Variants in MACROD2 observed in about 807,000 individuals in gnomAD.
The protein encoded by MACROD2 is ADP-ribose glycohydrolase MACROD2.
In MACROD2, 36 loss-of-function variants were observed where a neutral mutation model predicts 70.4. The observed-to-expected ratio is 0.51, with a 90% CI of 0.39 to 0.68. MACROD2 has a LOEUF of 0.68. Among genes scored for constraint, MACROD2 ranks in the 30% least tolerant of loss-of-function variants. The pLI is 0.00. For missense variants in MACROD2, 496 were observed against 538.4 expected (o/e 0.92, Z 0.78); for synonymous variants, 172 against 178.8 (o/e 0.96, Z 0.30).
At chr20:15,447,992 C>A (rs1288033322) in intron 7 of MACROD2, among the ~76,000 whole-genome samples, 1 of 152,246 alleles carries the variant, frequency 6.6e-6, no homozygotes, top group Non-Finnish European at 1.5e-5. Context: ...AGAACCTACA[C>A]TCTTCTAATC....
chr20:15,687,879 T>G (rs932223261), intron 8 of MACROD2, among the ~76,000 whole-genome samples: 51 of 152,186 alleles, frequency 3.4e-4, no homozygotes, highest in African/African-American at 1.2e-3. Flanking sequence ...TGGTTAAGTT[T>G]AGGAAAGCTG....
chr20:14,718,484 G>C (rs1401617214), intron 5 of MACROD2, among the ~76,000 whole-genome samples: 1 of 151,866 alleles, frequency 6.6e-6, no homozygotes, highest in African/African-American at 2.4e-5. Context: ...CACTGATACA[G>C]AACCCCCAAC....
At chr20:14,013,538 C>T (rs2052943947) in intron 2 of MACROD2, among the ~76,000 whole-genome samples, 2 of 152,076 alleles carry the variant, frequency 1.3e-5, no homozygotes, top group Admixed American at 6.5e-5. Context: ...TCCCAAAGTG[C>T]TGGGATTACA....
rs959794830 is a variant in MACROD2 at position 14,910,930 on chromosome 20, A to G, written c.418+225971A>G. 5.9e-5 allele frequency among the ~76,000 whole-genome samples: 9 copies of G among 152,192 alleles called. No homozygotes were observed. In the East Asian group the frequency reaches 1.7e-3, roughly 29 times the overall value. On this transcript the variant is annotated intron_variant, in intron 5 of 17. Transcript: ENST00000684519. ...AAGAATTTCATTTTCAATCCAACCC[A>G]GTACACACATACGTATGTTATTGAA...
At chr20:16,021,923 A>AAATG (rs562623998) in intron 15 of MACROD2, among the ~76,000 whole-genome samples, 5 of 152,222 alleles carry the variant, frequency 3.3e-5, no homozygotes, top group African/African-American at 4.8e-5. Flanking sequence ...CTGAATTAAT[A>AAATG]AATGAATGAA....
chr20:15,143,859 C>G (rs1884978029), intron 5 of MACROD2, among the ~76,000 whole-genome samples: 1 of 149,732 alleles, frequency 6.7e-6, no homozygotes, highest in Admixed American at 6.7e-5. Flanking sequence ...AAGGGGTGTT[C>G]AATCTTTTGG....
At chr20:14,365,018 T>C (rs1035895109) in intron 3 of MACROD2, among the ~76,000 whole-genome samples, 1 of 152,230 alleles carries the variant, frequency 6.6e-6, no homozygotes, top group African/African-American at 2.4e-5. Context: ...CGCTGCTGTT[T>C]CTTGAAAGAG....
chr20:15,921,909 G>A (rs1375568106), intron 10 of MACROD2, among the ~76,000 whole-genome samples: 1 of 152,218 alleles, frequency 6.6e-6, no homozygotes, highest in African/African-American at 2.4e-5. Flanking sequence ...AGGACTCCGG[G>A]AAATAGTGTG....
intron 4 of MACROD2, among the ~76,000 whole-genome samples, chr20:14,564,740 G>A (rs534152640): frequency 1.3e-5 from 2 of 151,884 alleles, no homozygotes; most frequent in East Asian, 3.9e-4. Flanking sequence ...ACTGTCGGTG[G>A]GAAGGTAAAT....
chr20:14,684,713 C>T, intron 4 of MACROD2, 130 bp from the exon 5 acceptor site: 1 of 636,264 alleles, frequency 1.6e-6, no homozygotes, highest in Non-Finnish European at 2.7e-6. Flanking sequence ...ATTGGACACC[C>T]TGGGTTTTCT....
intron 6 of MACROD2, among the ~76,000 whole-genome samples, chr20:15,382,063 T>C (rs2045651713): frequency 6.6e-6 from 1 of 151,964 alleles, no homozygotes; most frequent in African/African-American, 2.4e-5. Flanking sequence ...AAGAGGAGAG[T>C]GTACTGCCAG....
chr20:15,682,921 C>CT (rs2050179194), intron 8 of MACROD2, among the ~76,000 whole-genome samples: 2 of 152,084 alleles, frequency 1.3e-5, no homozygotes, highest in African/African-American at 4.8e-5. Context: ...TTTAGAAACT[C>CT]TAAGTCATGT....
At chr20:15,981,697 C>T (rs922541835) in intron 13 of MACROD2, among the ~76,000 whole-genome samples, 4 of 152,110 alleles carry the variant, frequency 2.6e-5, no homozygotes, top group Non-Finnish European at 5.9e-5. Context: ...TTCTGGAGAG[C>T]GTCTTTGAAC....
rs958190786 is a variant in MACROD2, at chr20:14,439,448, A to G, written c.272-54031A>G. Among the ~76,000 whole-genome samples, 14 of 152,282 alleles carry G rather than the reference A, an allele frequency of 9.2e-5. No individual in the cohort carries two copies. In the South Asian group the frequency reaches 2.3e-3, roughly 25 times the overall value. On this transcript the variant is annotated intron_variant, in intron 3 of 17. Coordinates refer to ENST00000684519, the MANE Select transcript of MACROD2 (RefSeq NM_001351661.2). The stretch of plus-strand genomic sequence containing the variant: ...TTCTAAAAACCACACTGAGTTATTG[A>G]AAAATGGAGTTTTTAGTCCACTAGT...
At chr20:14,314,025 G>T (rs1275664480) in intron 3 of MACROD2, among the ~76,000 whole-genome samples, 45 of 152,166 alleles carry the variant, frequency 3.0e-4, no homozygotes, top group Admixed American at 2.9e-3. Context: ...CTTATACACT[G>T]ATACATTTTA....
At chr20:15,996,401 A>G (rs990578489) in intron 15 of MACROD2, among the ~76,000 whole-genome samples, 15 of 152,144 alleles carry the variant, frequency 9.9e-5, no homozygotes, top group African/African-American at 3.6e-4. Context: ...TTTTTTTGAA[A>G]GAGTTTGAGT....
chr20:14,263,670 A>G (rs2082118892), intron 3 of MACROD2, among the ~76,000 whole-genome samples: 1 of 152,036 alleles, frequency 6.6e-6, no homozygotes, highest in Non-Finnish European at 1.5e-5. Flanking sequence ...AAAATAAGAA[A>G]CGAAGAAAAG....
intron 8 of MACROD2, among the ~76,000 whole-genome samples, chr20:15,584,558 A>G (rs2048570318): frequency 1.3e-5 from 2 of 152,262 alleles, no homozygotes; most frequent in Non-Finnish European, 2.9e-5. Flanking sequence ...CTAAGCAAAT[A>G]AAAGTAAAAG....
intron 5 of MACROD2, among the ~76,000 whole-genome samples, chr20:14,970,151 G>C (rs556633773): frequency 2.8e-4 from 43 of 152,090 alleles, no homozygotes; most frequent in Non-Finnish European, 4.7e-4. Context: ...AGGGCAGCAG[G>C]AGAGAGAAAG....
Sources: allele counts gnomAD v4.1 joint callset (sites outside exome capture counted in the v4.1 genomes callset), GRCh38; gene constraint gnomAD v4.1.1; transcripts MANE v1.5; gene names NCBI Gene and HGNC (gene_info 2026-07-23, HGNC 2026-07-21).